SFI1: variants seen among roughly 807,000 people sequenced by gnomAD.
SFI1 encodes the protein SFI1 centrin binding protein.
SFI1 carries 195 observed loss-of-function variants against 207.5 expected under a neutral mutation model. The ratio of observed to expected loss-of-function variants is 0.94; its 90% CI spans 0.84 to 1.06. The LOEUF is 1.06. SFI1 is among the 50% of genes least tolerant of loss of function. The pLI is 0.00. For missense variants in SFI1, 1,634 were observed against 1,588.0 expected (o/e 1.03, Z -0.49); for synonymous variants, 630 against 598.9 (o/e 1.05, Z -0.76).
intron 11 of SFI1, 61 bp downstream of exon 11, chr22:31,578,513 G>A (rs965757764): frequency 1.3e-6 from 2 of 1,513,318 alleles, no homozygotes; most frequent in Admixed American, 1.8e-5. Context: ...ATCCACTCTT[G>A]GGGGACCCTG....
At chr22:31,602,538 T>G in intron 16 of SFI1, 69 bp from the exon 17 acceptor site, 1 of 1,556,478 alleles carries the variant, frequency 6.4e-7, no homozygotes, top group Non-Finnish European at 8.8e-7. Flanking sequence ...GGCCTGTAAA[T>G]TCTTTCCTGG....
chr22:31,580,816 T>G (rs1472057014), intron 12 of SFI1, among the ~76,000 whole-genome samples: 1 of 152,152 alleles, frequency 6.6e-6, no homozygotes, highest in Non-Finnish European at 1.5e-5. Context: ...GTGCTGGGAT[T>G]ACAGGCGTGA....
Position 31,516,371 on chromosome 22 carries a change from G to T in SFI1, c.92+7995G>T, listed in dbSNP as rs557679828. On this transcript the variant is annotated intron_variant, in intron 2 of 32. Coordinates refer to ENST00000400288, the MANE Select transcript of SFI1 (RefSeq NM_001007467.3). ...CTACTAATAATACAAAAATTAGCTG[G>T]GTATTGTGGTGTGTGCCTGTAGTCC... Among the ~76,000 whole-genome samples the T allele has an allele frequency of 2.6e-5, 4 of 151,236 alleles. No homozygotes were observed. In the South Asian group the frequency reaches 8.4e-4, roughly 32 times the overall value.
chr22:31,524,151 G>A (rs1160811291), intron 2 of SFI1, among the ~76,000 whole-genome samples: 2 of 151,958 alleles, frequency 1.3e-5, no homozygotes, highest in East Asian at 1.9e-4. Context: ...GCAGTGAGCC[G>A]AGATGGCGCC....
intron 2 of SFI1, among the ~76,000 whole-genome samples, chr22:31,523,581 C>T (rs977751083): frequency 3.3e-5 from 5 of 152,168 alleles, no homozygotes; most frequent in Admixed American, 2.6e-4. Context: ...TCCGTTATCT[C>T]TTTTGATTCC....
intron 5 of SFI1, among the ~76,000 whole-genome samples, chr22:31,549,335 A>T (rs2060412862): frequency 6.8e-6 from 1 of 147,272 alleles, no homozygotes; most frequent in Non-Finnish European, 1.5e-5. Flanking sequence ...GTCATTCCAA[A>T]CATCATGGAT....
At chr22:31,547,570 C>T (rs988345029) in intron 5 of SFI1, among the ~76,000 whole-genome samples, 3 of 151,732 alleles carry the variant, frequency 2.0e-5, no homozygotes, top group African/African-American at 4.8e-5. Context: ...CTTGGCCTCC[C>T]GAAGTGCTGG....
chr22:31,505,710 C>T (rs1011415518), intron 1 of SFI1, among the ~76,000 whole-genome samples: 3 of 151,140 alleles, frequency 2.0e-5, no homozygotes, highest in African/African-American at 4.9e-5. Flanking sequence ...TATAGCAAGA[C>T]CCTGTCTCTA....
At chr22:31,596,125 T>A (rs1219342259) in intron 15 of SFI1, among the ~76,000 whole-genome samples, 1 of 152,064 alleles carries the variant, frequency 6.6e-6, no homozygotes, top group Non-Finnish European at 1.5e-5. Flanking sequence ...TGGTGGTGCA[T>A]GCTTATAATC....
rs750600237 is a variant in SFI1, at chr22:31,614,820, C to T, written c.3028C>T (p.Arg1010Ter). ...NTAHSARKQPRRPHFLLEPAQ... is the reference protein window; with the variant it reads ...NTAHSARKQP ...TGCCCACTCAGCGAGGAAGCAGCCG[C>T]GACGCCCACACTTCCTGTTGGAGCC... The change falls in exon 28 of 33, where the codon CGA becomes TGA. Residue 1010 changes from arginine (R) to a stop codon, truncating the protein, a stop_gained. Transcript: ENST00000400288. LOFTEE classifies it high-confidence loss of function. 3.7e-5 allele frequency: 59 copies of T among 1,613,808 alleles called. No individual in the cohort carries two copies. The highest frequency in any genetic ancestry group is 1.6e-4 in the East Asian group (7 of 44,894).
intron 15 of SFI1, among the ~76,000 whole-genome samples, chr22:31,595,145 C>T (rs535269971): frequency 1.0e-3 from 158 of 151,804 alleles, no homozygotes; most frequent in African/African-American, 3.6e-3. Flanking sequence ...TACAGGTGTG[C>T]GCCACCACGC....
intron 13 of SFI1, among the ~76,000 whole-genome samples, chr22:31,584,470 G>A (rs2064762630): frequency 1.3e-5 from 2 of 152,134 alleles, no homozygotes; most frequent in Admixed American, 1.3e-4. Context: ...CTACAAGTAA[G>A]AGTAAGATCT....
chr22:31,558,267 C>T (rs899843050), intron 7 of SFI1, among the ~76,000 whole-genome samples: 4 of 152,074 alleles, frequency 2.6e-5, no homozygotes, highest in African/African-American at 9.7e-5. Flanking sequence ...TAGTTCAAAC[C>T]TGTAATCCCA....
chr22:31,568,187 GTGTGTGT>G (rs144059785), intron 8 of SFI1, among the ~76,000 whole-genome samples: 9,376 of 111,084 alleles, frequency 0.084, 393 homozygotes, highest in Admixed American at 0.14. Flanking sequence ...GTGTGTGTGT[GTGTGTGT>G]TGTGTGTGTG....
chr22:31,500,304 T>G (rs902373574), intron 1 of SFI1, among the ~76,000 whole-genome samples: 2,070 of 129,806 alleles, frequency 0.016, 20 homozygotes, highest in Non-Finnish European at 0.023. Flanking sequence ...AAAGAAAAAA[T>G]AAATTGCCAT....
chr22:31,497,813 C>A lies in SFI1; in HGVS notation c.-31+1176C>A, dbSNP rs535807587. On this transcript the variant is annotated intron_variant, in intron 1 of 32. Transcript: ENST00000400288. ...GAATATTTTAAGCCTACTATCGAGACCTACTGTTCAGAAAAAAGGATTCCT... is the reference window on the plus strand; with the variant it reads ...GAATATTTTAAGCCTACTATCGAGAACTACTGTTCAGAAAAAAGGATTCCT... 2.0e-5 allele frequency among the ~76,000 whole-genome samples: 3 copies of A among 152,268 alleles called. No homozygotes were observed. In the East Asian group the frequency reaches 5.8e-4, roughly 29 times the overall value.
chr22:31,531,901 A>G (rs1201215198), intron 4 of SFI1, among the ~76,000 whole-genome samples: 1 of 151,700 alleles, frequency 6.6e-6, no homozygotes, highest in Non-Finnish European at 1.5e-5. Flanking sequence ...CTCAAAAAAA[A>G]AAAAAAAAAA....
At chr22:31,602,355 C>CA in intron 16 of SFI1, 62 bp downstream of exon 16, 2 of 1,497,586 alleles carry the variant, frequency 1.3e-6, no homozygotes, top group Non-Finnish European at 1.9e-6. Flanking sequence ...CCATTGCACT[C>CA]ACGGCCTCCC....
intron 8 of SFI1, among the ~76,000 whole-genome samples, chr22:31,565,559 CGTG>C (rs1467563636): frequency 1.3e-5 from 2 of 151,060 alleles, no homozygotes; most frequent in South Asian, 2.1e-4. Context: ...ATTAGCTAGA[CGTG>C]GTGGCGCATG....
Sources: allele counts gnomAD v4.1 joint callset (sites outside exome capture counted in the v4.1 genomes callset), GRCh38; gene constraint gnomAD v4.1.1; transcripts MANE v1.5; gene names NCBI Gene and HGNC (gene_info 2026-07-23, HGNC 2026-07-21).